Variants in CNTN6 observed in about 807,000 individuals in gnomAD.
CNTN6 encodes the protein contactin 6.
In CNTN6, 137 loss-of-function variants were observed where a neutral mutation model predicts 122.8. The ratio of observed to expected loss-of-function variants is 1.12; its 90% CI spans 0.97 to 1.29. The LOEUF is 1.29. Among genes scored for constraint, CNTN6 ranks in the 50% most tolerant of loss-of-function variants. The pLI is 0.00. For missense variants in CNTN6, 1,634 were observed against 1,223.4 expected, an observed-to-expected ratio of 1.34 and a Z score of -5.01; for synonymous variants, 570 against 426.0, an observed-to-expected ratio of 1.34 and a Z score of -4.16.
intron 2 of CNTN6, among the ~76,000 whole-genome samples, chr3:1,212,310 C>T (rs79554450): frequency 0.068 from 10,046 of 148,736 alleles, 423 homozygotes; most frequent in Middle Eastern, 0.11. Flanking sequence ...GCAATCTGCC[C>T]GTCTTGGCCT....
At chr3:1,197,518 A>G (rs1432318031) in intron 2 of CNTN6, among the ~76,000 whole-genome samples, 1 of 152,204 alleles carries the variant, frequency 6.6e-6, no homozygotes, top group Admixed American at 6.5e-5. Flanking sequence ...AAACCTAAGG[A>G]GCTCATAAAT....
At chr3:1,400,339 C>T (rs945003136) in intron 20 of CNTN6, among the ~76,000 whole-genome samples, 3 of 152,006 alleles carry the variant, frequency 2.0e-5, no homozygotes, top group Admixed American at 6.6e-5. Flanking sequence ...GACCAAGATT[C>T]GTCAGCTGCA....
intron 7 of CNTN6, among the ~76,000 whole-genome samples, chr3:1,318,761 A>C (rs1453558604): frequency 6.6e-6 from 1 of 151,726 alleles, no homozygotes; most frequent in Non-Finnish European, 1.5e-5. Context: ...TTTATTGGTT[A>C]ATGGCTGCTC....
At chr3:1,301,688 C>T (rs1336120646) in intron 7 of CNTN6, among the ~76,000 whole-genome samples, 2 of 152,000 alleles carry the variant, frequency 1.3e-5, no homozygotes, top group East Asian at 1.9e-4. Context: ...ATTGAAATAC[C>T]TTGTGGTAAA....
intron 20 of CNTN6, among the ~76,000 whole-genome samples, chr3:1,390,621 G>T (rs979914263): frequency 2.0e-5 from 3 of 151,908 alleles, no homozygotes; most frequent in Non-Finnish European, 3.0e-5. Context: ...GAATCCAGGA[G>T]CTGGTTTTTT....
chr3:1,246,725 A>T (rs2094587641), intron 4 of CNTN6, among the ~76,000 whole-genome samples: 1 of 152,116 alleles, frequency 6.6e-6, no homozygotes, highest in African/African-American at 2.4e-5. Context: ...TTGCAGGGGG[A>T]TAGTAAAAAG....
At chr3:1,330,317 A>G (rs1262983840) in intron 11 of CNTN6, among the ~76,000 whole-genome samples, 1 of 151,892 alleles carries the variant, frequency 6.6e-6, no homozygotes, top group Non-Finnish European at 1.5e-5. Flanking sequence ...TGGTTTTTAA[A>G]TAGTCACACA....
At chr3:1,142,958 G>C (rs1210703917) in intron 1 of CNTN6, among the ~76,000 whole-genome samples, 1 of 100,324 alleles carries the variant, frequency 1.0e-5, no homozygotes, top group Non-Finnish European at 2.0e-5. Flanking sequence ...ATAAATTTGT[G>C]TGTGTGTGTG....
At chr3:1,115,577 G>A (rs534028898) in intron 1 of CNTN6, among the ~76,000 whole-genome samples, 14 of 152,062 alleles carry the variant, frequency 9.2e-5, no homozygotes, top group African/African-American at 2.9e-4. Context: ...GTGAAATCCC[G>A]TGTCTACTAA....
intron 5 of CNTN6, 57 bp from the exon 6 acceptor site, chr3:1,295,544 G>A: frequency 7.0e-7 from 1 of 1,432,552 alleles, no homozygotes; most frequent in Non-Finnish European, 9.7e-7. Context: ...AGATATGAAT[G>A]AATGCAGTAA....
chr3:1,238,598 G>T (rs1415172089), intron 4 of CNTN6, among the ~76,000 whole-genome samples: 3 of 152,108 alleles, frequency 2.0e-5, no homozygotes, highest in African/African-American at 7.2e-5. Context: ...GAACTTAACA[G>T]ATATTTACAG....
At chr3:1,140,663 C>T (rs964119459) in intron 1 of CNTN6, among the ~76,000 whole-genome samples, 1 of 152,112 alleles carries the variant, frequency 6.6e-6, no homozygotes, top group Non-Finnish European at 1.5e-5. Flanking sequence ...GAGAGATACT[C>T]TCTTGATGAC....
In CNTN6 at chr3:1,132,183, TA is replaced by T. The variant is rs139797660; in HGVS notation, c.-82-15739del. Among the ~76,000 whole-genome samples, 578 of 152,284 alleles carry T rather than the reference TA, an allele frequency of 3.8e-3. 8 individuals carry two copies. The highest frequency in any genetic ancestry group is 0.013 in the African/African-American group (557 of 41,556). On this transcript the variant is annotated intron_variant, in intron 1 of 22. Transcript: ENST00000446702. ...AACTGTGTTTATGTTTCTTTTACTCTAAAAACTCTGAATAACATCTTGTAAT... is the reference window on the plus strand; with the variant it reads ...AACTGTGTTTATGTTTCTTTTACTCTAAAACTCTGAATAACATCTTGTAAT...
At chr3:1,305,438 C>T (rs1575626972) in intron 7 of CNTN6, among the ~76,000 whole-genome samples, 2 of 152,300 alleles carry the variant, frequency 1.3e-5, no homozygotes, top group East Asian at 3.9e-4. Flanking sequence ...AGCTTTGTCT[C>T]ATTTGTTTAA....
chr3:1,175,709 G>A (rs1411266088), intron 2 of CNTN6, among the ~76,000 whole-genome samples: 1 of 152,200 alleles, frequency 6.6e-6, no homozygotes, highest in African/African-American at 2.4e-5. Context: ...CTACTCTTTG[G>A]TGAATATATT....
At chr3:1,171,556 G>C (rs1436357628) in intron 2 of CNTN6, among the ~76,000 whole-genome samples, 1 of 152,124 alleles carries the variant, frequency 6.6e-6, no homozygotes, top group African/African-American at 2.4e-5. Context: ...CCAAAAACTG[G>C]CTTGACTCCC....
intron 1 of CNTN6, among the ~76,000 whole-genome samples, chr3:1,109,503 G>C (rs1475108652): frequency 6.6e-6 from 1 of 151,786 alleles, no homozygotes; most frequent in Admixed American, 6.6e-5. Flanking sequence ...AAGTTTCTCT[G>C]TGTGGCAATA....
At position 1,295,660 on chromosome 3, in the gene CNTN6, C is replaced by A; in HGVS notation, c.514C>A (p.Arg172=). 6.2e-7 allele frequency: 1 copy of A among 1,613,880 alleles called. No individual in the cohort carries two copies. The highest frequency in any genetic ancestry group is 1.1e-5 in the South Asian group (1 of 91,084). Reference sequence around the variant, plus strand: ...CTTATACGTCCAAGAGGACAATAGGCGATTTGTATCTCAAGAGACGGGAAA... The same window carrying A: ...CTTATACGTCCAAGAGGACAATAGGAGATTTGTATCTCAAGAGACGGGAAA... ...NPLYVQEDNR[R]FVSQETGNLY... Residue 172 remains arginine, a synonymous_variant, in exon 6 of 23, where the codon CGA becomes AGA. Coordinates refer to ENST00000446702, the MANE Select transcript of CNTN6 (RefSeq NM_001289080.2).
chr3:1,346,764 G>A (rs1212538284), intron 11 of CNTN6, among the ~76,000 whole-genome samples: 2 of 152,250 alleles, frequency 1.3e-5, no homozygotes, highest in African/African-American at 2.4e-5. Flanking sequence ...TTCCGCATTA[G>A]TCTCGATGTA....
Sources: allele counts gnomAD v4.1 joint callset (sites outside exome capture counted in the v4.1 genomes callset), GRCh38; gene constraint gnomAD v4.1.1; transcripts MANE v1.5; gene names NCBI Gene and HGNC (gene_info 2026-07-23, HGNC 2026-07-21).